Variants in CHST11 observed in about 807,000 individuals in gnomAD.
CHST11 encodes the protein C4S-1.
Under a neutral mutation model 30.4 loss-of-function variants are expected in CHST11, and 9 were observed. The ratio of observed to expected loss-of-function variants is 0.30; its 90% CI spans 0.18 to 0.52. The LOEUF (loss-of-function observed/expected upper bound fraction) is 0.52, where lower values mean the gene tolerates loss of function less well. CHST11 is among the 20% of genes least tolerant of loss of function. CHST11 has a pLI of 0.97. For missense variants in CHST11, 348 were observed against 460.6 expected, an observed-to-expected ratio of 0.76 and a Z score of 2.24; for synonymous variants, 152 against 187.8, an observed-to-expected ratio of 0.81 and a Z score of 1.56.
chr12:104,471,673 T>A (rs2037510448), intron 1 of CHST11, among the ~76,000 whole-genome samples: 1 of 152,168 alleles, frequency 6.6e-6, no homozygotes, highest in South Asian at 2.1e-4. Flanking sequence ...CCGGTAGCCA[T>A]TTTTACATTG....
chr12:104,689,627 G>A (rs530947069), intron 2 of CHST11, among the ~76,000 whole-genome samples: 51 of 152,286 alleles, frequency 3.3e-4, no homozygotes, highest in African/African-American at 1.1e-3. Flanking sequence ...TGCCCAAGGC[G>A]GCTAGCATAC....
intron 2 of CHST11, among the ~76,000 whole-genome samples, chr12:104,730,301 G>A (rs537853981): frequency 1.3e-5 from 2 of 152,380 alleles, no homozygotes; most frequent in African/African-American, 4.8e-5. Flanking sequence ...TGGGAGAAGA[G>A]TGACTCTTGC....
intron 1 of CHST11, chr12:104,514,218 G>T: frequency 1.1e-6 from 1 of 886,288 alleles, no homozygotes. Flanking sequence ...CGGGGACATT[G>T]ACACAGCAGC....
chr12:104,680,803 G>A (rs2039788269), intron 2 of CHST11, among the ~76,000 whole-genome samples: 1 of 152,180 alleles, frequency 6.6e-6, no homozygotes. Context: ...TTGACTAGCT[G>A]GGCCCACATC....
intron 1 of CHST11, among the ~76,000 whole-genome samples, chr12:104,575,528 T>C (rs1369851596): frequency 2.0e-5 from 3 of 151,704 alleles, no homozygotes; most frequent in Non-Finnish European, 4.4e-5. Flanking sequence ...GTGAAGGGGG[T>C]CTTAACTTAG....
At position 104,544,781 on chromosome 12, in the gene CHST11, G is replaced by A. The variant is rs1461779759; in HGVS notation, c.119-57125G>A. On this transcript the variant is annotated intron_variant, in intron 1 of 2. Transcript: ENST00000303694. ...CTGGGGGTCACAGTCCCCCCACCCC[G>A]GAGATAATGGATTTGGTGCTTTCTT... is the stretch of plus-strand genomic sequence containing the variant. 3.0e-5 allele frequency among the ~76,000 whole-genome samples: 2 copies of A among 67,444 alleles called. 1 individual carries two copies. The highest frequency in any genetic ancestry group is 0.031 in the Middle Eastern group (2 of 64). The allele number at this position is 67,444 out of a possible 152,430, so 44.2% of individuals were successfully genotyped here.
At chr12:104,560,500 C>G (rs142412158) in intron 1 of CHST11, among the ~76,000 whole-genome samples, 1 of 152,048 alleles carries the variant, frequency 6.6e-6, no homozygotes, top group African/African-American at 2.4e-5. Context: ...TGGATCAGCA[C>G]CGGGAAGCAT....
intron 1 of CHST11, among the ~76,000 whole-genome samples, chr12:104,542,132 T>C (rs2038292647): frequency 6.6e-6 from 1 of 152,224 alleles, no homozygotes; most frequent in African/African-American, 2.4e-5. Flanking sequence ...GTGTTGAACA[T>C]TGTGGAGGAT....
chr12:104,635,669 A>G (rs1381605309), intron 2 of CHST11, among the ~76,000 whole-genome samples: 1 of 152,240 alleles, frequency 6.6e-6, no homozygotes, highest in Non-Finnish European at 1.5e-5. Flanking sequence ...ACTGAGTGTT[A>G]CTAATTCCCA....
At chr12:104,697,598 T>G (rs1223126402) in intron 2 of CHST11, among the ~76,000 whole-genome samples, 1 of 152,198 alleles carries the variant, frequency 6.6e-6, no homozygotes, top group Non-Finnish European at 1.5e-5. Flanking sequence ...AACCTCCTCT[T>G]ATATATGTCT....
chr12:104,757,649 C>G lies in CHST11; in HGVS notation c.905C>G (p.Pro302Arg). The stretch of plus-strand genomic sequence containing the variant: ...GGAGTGGGCAGCTACCTGAAGTTCC[C>G]CACCTATGCAAAGTCTACGAGAACT... The part of the protein sequence containing the change: ...LAGVGSYLKF[P>R]TYAKSTRTTD... The change falls in exon 3 of 3, where the codon CCC becomes CGC. Residue 302 changes from proline to arginine, a missense_variant. Pro to Arg is a moderately radical substitution (Grantham distance 103, BLOSUM62 -2). Transcript: ENST00000303694. This position sits in a 1 kb window ranked among gnomAD's most constrained non-coding sequence, Gnocchi z 6.5. 1 of 1,614,096 alleles carries G rather than the reference C, an allele frequency of 6.2e-7. No individual in the cohort carries two copies. Among genetic ancestry groups the G allele is most frequent in the Non-Finnish European group, 8.5e-7 (1 of 1,180,014 alleles).
At chr12:104,722,153 TAA>T (rs2040182272) in intron 2 of CHST11, among the ~76,000 whole-genome samples, 3 of 139,294 alleles carry the variant, frequency 2.2e-5, no homozygotes, top group South Asian at 2.6e-4. Flanking sequence ...CACACTCAGC[TAA>T]GTGTGTGTGT....
chr12:104,683,465 G>T (rs1043816199), intron 2 of CHST11, among the ~76,000 whole-genome samples: 1 of 152,174 alleles, frequency 6.6e-6, no homozygotes, highest in Non-Finnish European at 1.5e-5. Context: ...ACCTCTAAAG[G>T]TCTAAATCCA....
At chr12:104,534,861 T>G (rs1326447229) in intron 1 of CHST11, among the ~76,000 whole-genome samples, 2 of 152,252 alleles carry the variant, frequency 1.3e-5, no homozygotes, top group African/African-American at 4.8e-5. Flanking sequence ...TATTTCATCT[T>G]ATTAAGAAGC....
chr12:104,464,320 G>A (rs1285401309), intron 1 of CHST11, among the ~76,000 whole-genome samples: 2 of 151,754 alleles, frequency 1.3e-5, no homozygotes, highest in South Asian at 2.1e-4. Context: ...CACCCTCCTC[G>A]GCCTCCCAAA....
intron 2 of CHST11, among the ~76,000 whole-genome samples, chr12:104,755,980 A>G (rs2040471803): frequency 1.3e-5 from 2 of 152,090 alleles, no homozygotes; most frequent in Admixed American, 1.3e-4. Flanking sequence ...GCATTGGGCT[A>G]TGGAGAACCC....
chr12:104,501,740 T>C (rs1172514644), intron 1 of CHST11, among the ~76,000 whole-genome samples: 1 of 152,152 alleles, frequency 6.6e-6, no homozygotes, highest in African/African-American at 2.4e-5. Flanking sequence ...CTCCTTCAGG[T>C]CCACCCACCA....
chr12:104,658,830 G>A (rs1167152054), intron 2 of CHST11, among the ~76,000 whole-genome samples: 1 of 152,206 alleles, frequency 6.6e-6, no homozygotes, highest in Non-Finnish European at 1.5e-5. Flanking sequence ...TCCTCATGAT[G>A]ACCCTTGAAA....
chr12:104,639,340 A>G (rs2039353771), intron 2 of CHST11, among the ~76,000 whole-genome samples: 1 of 152,226 alleles, frequency 6.6e-6, no homozygotes, highest in Admixed American at 6.5e-5. Flanking sequence ...TCAATCCTAA[A>G]GGCCCCAAAC....
Sources: gnomAD v4.1 joint callset for allele counts (sites outside exome capture counted in the v4.1 genomes callset) on GRCh38, gnomAD v4.1.1 for gene constraint, Gnocchi (gnomAD v3.1) non-coding constraint, MANE v1.5 for transcripts, NCBI Gene and HGNC (gene_info 2026-07-23, HGNC 2026-07-21) for gene names.